Variants in NOTCH1 observed in about 807,000 individuals in gnomAD.
The protein encoded by NOTCH1 is notch receptor 1.
NOTCH1 carries 37 observed loss-of-function variants against 254.8 expected under a neutral mutation model. The observed-to-expected ratio is 0.15, with a 90% CI of 0.11 to 0.19. The LOEUF is 0.19. Among genes scored for constraint, NOTCH1 ranks in the 10% least tolerant of loss-of-function variants. NOTCH1 has a pLI of 1.00. For missense variants in NOTCH1, 2,972 were observed against 3,708.6 expected (o/e 0.80, Z 5.16); for synonymous variants, 1,731 against 1,618.1 (o/e 1.07, Z -1.68).
chr9:136,523,076 G>A lies in NOTCH1; in HGVS notation c.516C>T (p.Gly172=), dbSNP rs377685034. ...CGTTGACATCCTGCCGGCAGGTGGG[G>A]CCATGGAAGCTGGGTGGGCAGTGGC... ...YICHCPPSFH[G]PTCRQDVNEC... is the part of the protein sequence containing the mutation. Residue 172 remains glycine, a synonymous_variant, in exon 4 of 34, where the codon GGC becomes GGT. Coordinates refer to ENST00000651671, the MANE Select transcript of NOTCH1 (RefSeq NM_017617.5). 8.8e-6 allele frequency: 14 copies of A among 1,589,546 alleles called. No individual in the cohort carries two copies. In the African/African-American group the frequency reaches 1.9e-4, roughly 21 times the overall value.
At chr9:136,530,348 TG>T (rs1375724146) in intron 2 of NOTCH1, among the ~76,000 whole-genome samples, 2 of 152,212 alleles carry the variant, frequency 1.3e-5, no homozygotes, top group Non-Finnish European at 2.9e-5. Flanking sequence ...GGAAACCCTT[TG>T]TGTGGGAGGC....
chr9:136,510,600 GA>G lies in NOTCH1; in HGVS notation c.2740+52del. The G allele has an allele frequency of 2.5e-6, 4 of 1,574,592 alleles. No individual in the cohort carries two copies. The South Asian group carries it at 4.5e-5, about 18-fold the overall frequency. ...CCATGCGCACCAACCCTGCCCGGGG[GA>G]ACTGAGGCCTGAGAGCTTCCTGGAG... is the stretch of plus-strand genomic sequence containing the variant. On this transcript the variant is annotated intron_variant, in intron 17 of 33. Coordinates refer to ENST00000651671, the MANE Select transcript of NOTCH1 (RefSeq NM_017617.5).
At chr9:136,523,469 G>A (rs1843407848) in intron 3 of NOTCH1, among the ~76,000 whole-genome samples, 1 of 152,258 alleles carries the variant, frequency 6.6e-6, no homozygotes, top group African/African-American at 2.4e-5. Context: ...AAGGGGGCAG[G>A]GGCGGCCTGG....
Position 136,514,535 on chromosome 9 carries a change from C to T in NOTCH1, c.2182G>A (p.Gly728Arg), listed in dbSNP as rs771222092. 4.4e-6 allele frequency: 7 copies of T among 1,594,896 alleles called. No homozygotes were observed. The highest frequency in any genetic ancestry group is 3.4e-6 in the Non-Finnish European group (4 of 1,171,976). ...NECNSNPCVH[G>R]ACRDSLNGYK... ...CCGTTGAGGCTGTCCCGGCAGGCCCCGTGGACGCAGGGGTTGCTGTTGCAC... is the reference window on the plus strand; with the variant it reads ...CCGTTGAGGCTGTCCCGGCAGGCCCTGTGGACGCAGGGGTTGCTGTTGCAC... Residue 728 changes from glycine (G) to arginine (R), a missense_variant, in exon 13 of 34, where the codon GGG becomes AGG. This residue lies in a region of NOTCH1 where 1,343 missense variants were observed against 1,557.0 expected (regional missense o/e 0.86). Transcript: ENST00000651671.
rs912167832 is a variant in NOTCH1, at chr9:136,506,466, C to A, written c.4014+61G>T. 6 of 1,456,254 alleles carry A rather than the reference C, an allele frequency of 4.1e-6. No homozygotes were observed. The highest frequency in any genetic ancestry group is 5.6e-6 in the Non-Finnish European group (6 of 1,067,096). The allele number at this position is 1,456,254 out of a possible 1,614,324, so 90.2% of individuals were successfully genotyped here. A position where few individuals can be genotyped will look rare whatever the true frequency, so the allele number is the denominator to read the frequency against. On this transcript the variant is annotated intron_variant, in intron 24 of 33. Transcript: ENST00000651671. This position sits in a 1 kb window ranked among gnomAD's most constrained non-coding sequence, Gnocchi z 4.5. The stretch of plus-strand genomic sequence containing the variant: ...CCCGGTCTGCGCCCCGAGGCCCCCA[C>A]GTGGACCTCTCCAGGTGTCTCCCCT...
At chr9:136,539,784 G>A (rs748583413) in intron 2 of NOTCH1, among the ~76,000 whole-genome samples, 3 of 152,198 alleles carry the variant, frequency 2.0e-5, no homozygotes, top group Non-Finnish European at 4.4e-5. Context: ...CCCTGGCCAC[G>A]CCCAAGACGA....
chr9:136,495,412 G>A lies in NOTCH1; in HGVS notation c.*659C>T, dbSNP rs996353797. ...ACACTCCGAGAACACATTTTCACAA[G>A]CATGCTTGCAAGAAACCATCTAAAA... On this transcript the variant is annotated 3_prime_UTR_variant, in exon 34 of 34. Transcript: ENST00000651671. 2.8e-5 allele frequency: 11 copies of A among 398,870 alleles called. No homozygotes were observed. Among genetic ancestry groups the A allele is most frequent in the Admixed American group, 8.8e-5 (2 of 22,730 alleles). 24.7% of individuals were successfully genotyped at this position (398,870 alleles called of 1,614,324 possible). A position where few individuals can be genotyped will look rare whatever the true frequency, so the allele number is the denominator to read the frequency against.
rs570242146 is a variant in NOTCH1 at position 136,499,000 on chromosome 9, C to A, written c.6083-4G>T. 6 of 1,613,272 alleles carry A rather than the reference C, an allele frequency of 3.7e-6. No individual in the cohort carries two copies. Among genetic ancestry groups the A allele is most frequent in the Middle Eastern group, 1.6e-4 (1 of 6,062 alleles). ...GCCCAGTGCAGGGCGGACTTGCCTG[C>A]GTGAAAGAAGCAGATGGGGTAGGTT... On this transcript the variant is annotated splice_polypyrimidine_tract_variant and splice_region_variant and intron_variant, in intron 32 of 33. Transcript: ENST00000651671.
chr9:136,513,158 G>A lies in NOTCH1; in HGVS notation c.2354-24C>T, dbSNP rs201516331. 279 of 1,586,636 alleles carry A rather than the reference G, an allele frequency of 1.8e-4. 1 individual carries two copies. The African/African-American group carries it at 3.0e-3, about 17-fold the overall frequency. ...ACCTGGAGGGAAGGGGACAGCACTC[G>A]GCATGTCCAGCACTCCCAGGCACCT... On this transcript the variant is annotated intron_variant, in intron 14 of 33. Transcript: ENST00000651671. This position sits in a 1 kb window ranked among gnomAD's most constrained non-coding sequence, Gnocchi z 4.7.
At chr9:136,523,444 G>T (rs1357642019) in intron 3 of NOTCH1, among the ~76,000 whole-genome samples, 2 of 152,254 alleles carry the variant, frequency 1.3e-5, no homozygotes, top group African/African-American at 4.8e-5. Flanking sequence ...GTGAGGGCCA[G>T]TGCACGGCAG....
At chr9:136,533,005 G>A (rs1843586616) in intron 2 of NOTCH1, among the ~76,000 whole-genome samples, 1 of 152,224 alleles carries the variant, frequency 6.6e-6, no homozygotes, top group Admixed American at 6.5e-5. Flanking sequence ...GTCCACCAGA[G>A]AGCTGCAGAG....
At chr9:136,529,265 C>A (rs772471925) in intron 2 of NOTCH1, among the ~76,000 whole-genome samples, 32 of 152,222 alleles carry the variant, frequency 2.1e-4, no homozygotes, top group Non-Finnish European at 4.4e-4. Context: ...GAGACAAGGC[C>A]AGACCTGGGT....
chr9:136,504,863 C>A lies in NOTCH1; in HGVS notation c.4828G>T (p.Ala1610Ser), dbSNP rs369467132. ...LHTNVVFKRD[A>S]HGQQMIFPYY... ...GGGAAGATCATCTGCTGGCCGTGTGCGTCACGCTTGAAGACCACGTTGGTG... is the reference window on the plus strand; with the variant it reads ...GGGAAGATCATCTGCTGGCCGTGTGAGTCACGCTTGAAGACCACGTTGGTG... Residue 1610 changes from alanine (A) to serine (S), a missense_variant, in exon 26 of 34, where the codon GCA becomes TCA. By Grantham distance (99) the Ala-to-Ser change is moderately conservative. Coordinates refer to ENST00000651671, the MANE Select transcript of NOTCH1 (RefSeq NM_017617.5). 17 of 1,582,624 alleles carry A rather than the reference C, an allele frequency of 1.1e-5. No homozygotes were observed. The African/African-American group carries it at 2.1e-4, about 20-fold the overall frequency.
chr9:136,525,406 G>C (rs1589073712), intron 2 of NOTCH1, among the ~76,000 whole-genome samples: 1 of 152,048 alleles, frequency 6.6e-6, no homozygotes, highest in Non-Finnish European at 1.5e-5. Context: ...GAAAAGGTCT[G>C]GGACCCGCCG....
Position 136,513,600 on chromosome 9 carries a change from C to T in NOTCH1, c.2208-63G>A. The T allele has an allele frequency of 6.3e-7, 1 of 1,591,194 alleles. No individual in the cohort carries two copies. The highest frequency in any genetic ancestry group is 8.6e-7 in the Non-Finnish European group (1 of 1,165,646). ...GAGCAGCACGGCCGGGGCCTGGGCA[C>T]TCCCGGGTCTGCAATGCCCTATGGG... On this transcript the variant is annotated intron_variant, in intron 13 of 33. Coordinates refer to ENST00000651671, the MANE Select transcript of NOTCH1 (RefSeq NM_017617.5). The surrounding 1 kb of genome is among the most constrained non-coding windows in gnomAD (Gnocchi z 4.7).
chr9:136,498,907 T>C lies in NOTCH1; in HGVS notation c.6172A>G (p.Asn2058Asp), dbSNP rs760123789. The part of the protein sequence containing the change: ...LKNGANKDMQ[N>D]NREETPLFLA... ...CCCAGCCTCGCGCTCACCCTGTTGT[T>C]CTGCATATCTTTGTTAGCCCCGTTC... The change falls in exon 33 of 34, where the codon AAC (asparagine) becomes GAC (aspartate). Residue 2058 changes from asparagine (N) to aspartate (D), a missense_variant. Around this residue, in one of 8 missense-constraint regions of NOTCH1, gnomAD observed 421 missense variants for 604.4 expected, o/e 0.70. Coordinates refer to ENST00000651671, the MANE Select transcript of NOTCH1 (RefSeq NM_017617.5). 7 of 1,613,688 alleles carry C rather than the reference T, an allele frequency of 4.3e-6. No homozygotes were observed. The East Asian group carries it at 1.6e-4, about 36-fold the overall frequency.
chr9:136,508,433 C>A (rs759479358), intron 19 of NOTCH1, 48 bp from the exon 20 acceptor site: 2 of 1,611,788 alleles, frequency 1.2e-6, no homozygotes, highest in South Asian at 1.1e-5. Context: ...CGGCCATTTC[C>A]CCGGTAGCTC....
intron 4 of NOTCH1, among the ~76,000 whole-genome samples, chr9:136,521,708 G>A (rs1214705336): frequency 2.0e-5 from 3 of 152,196 alleles, no homozygotes; most frequent in African/African-American, 4.8e-5. Flanking sequence ...CCCCACGCTC[G>A]CCCAGTGACT....
In NOTCH1 at chr9:136,518,731, T is replaced by C. The variant is rs780378809; in HGVS notation, c.959A>G (p.Asn320Ser). The C allele has an allele frequency of 4.3e-6, 7 of 1,612,910 alleles. No individual in the cohort carries two copies. Among genetic ancestry groups the C allele is most frequent in the South Asian group, 1.1e-5 (1 of 91,084 alleles). ...GTCHNTHGGY[N>S]CVCVNGWTGE... ...AGTCCAGCCGTTGACACACACGCAGTTGTAGCCACCGTGGGTGTTGTGGCA... is the reference window on the plus strand; with the variant it reads ...AGTCCAGCCGTTGACACACACGCAGCTGTAGCCACCGTGGGTGTTGTGGCA... The change falls in exon 6 of 34, where the codon AAC (asparagine) becomes AGC (serine). Residue 320 changes from asparagine to serine, a missense_variant. Transcript: ENST00000651671.
Sources: gnomAD v4.1 joint callset for allele counts (sites outside exome capture counted in the v4.1 genomes callset) on GRCh38, gnomAD v4.1.1 for gene constraint, gnomAD v4.1.1 regional missense constraint, Gnocchi (gnomAD v3.1) non-coding constraint, MANE v1.5 for transcripts, NCBI Gene and HGNC (gene_info 2026-07-23, HGNC 2026-07-21) for gene names.